The following PCCA variants were observed in gnomAD, a reference collection of about 807,000 sequenced individuals.
PCCA encodes propionyl-CoA carboxylase alpha chain, mitochondrial.
A neutral mutation model predicts 101.3 loss-of-function variants in PCCA; 74 were observed. The observed-to-expected ratio is 0.73, with a 90% CI of 0.61 to 0.89. PCCA has a LOEUF of 0.89. PCCA is among the 40% of genes least tolerant of loss of function. PCCA has a pLI of 0.00. For synonymous variants in PCCA, 294 were observed against 313.6 expected (o/e 0.94, Z 0.66); for missense variants, 891 against 907.0 (o/e 0.98, Z 0.23).
At chr13:100,260,169 GT>G (rs1446889576) in intron 9 of PCCA, among the ~76,000 whole-genome samples, 1 of 152,102 alleles carries the variant, frequency 6.6e-6, no homozygotes, top group Non-Finnish European at 1.5e-5. Flanking sequence ...TTTGCTTCCA[GT>G]TTCTTTGAAG....
At chr13:100,158,156 G>T (rs1268559872) in intron 6 of PCCA, among the ~76,000 whole-genome samples, 1 of 152,208 alleles carries the variant, frequency 6.6e-6, no homozygotes, top group Admixed American at 6.5e-5. Context: ...ACTGGATCCT[G>T]TAGGCTGTTG....
At chr13:100,188,346 AAG>A in intron 6 of PCCA, among the ~76,000 whole-genome samples, 2 of 151,706 alleles carry the variant, frequency 1.3e-5, no homozygotes, top group Non-Finnish European at 2.9e-5. Flanking sequence ...GAAAGAAAGA[AAG>A]AATAATGAAT....
At chr13:100,473,805 A>G (rs564994026) in intron 21 of PCCA, among the ~76,000 whole-genome samples, 97 of 152,168 alleles carry the variant, frequency 6.4e-4, no homozygotes, top group Non-Finnish European at 1.2e-3. Flanking sequence ...CTATCTTTTG[A>G]TTTCCTTGAG....
At chr13:100,197,326 GCCT>G (rs1474929971) in intron 6 of PCCA, among the ~76,000 whole-genome samples, 1 of 152,038 alleles carries the variant, frequency 6.6e-6, no homozygotes, top group African/African-American at 2.4e-5. Flanking sequence ...TCCTGCCCTG[GCCT>G]CCTGTGTAGC....
At chr13:100,187,917 C>T (rs1469261628) in intron 6 of PCCA, among the ~76,000 whole-genome samples, 1 of 152,112 alleles carries the variant, frequency 6.6e-6, no homozygotes, top group African/African-American at 2.4e-5. Context: ...ACCCTTTCCC[C>T]CAAGTCCCCA....
chr13:100,310,883 G>C (rs2066857060), intron 16 of PCCA, among the ~76,000 whole-genome samples: 1 of 152,134 alleles, frequency 6.6e-6, no homozygotes, highest in Non-Finnish European at 1.5e-5. Context: ...CTGTGATGTA[G>C]TAGACAGAAA....
intron 21 of PCCA, among the ~76,000 whole-genome samples, chr13:100,486,945 A>C (rs1176673361): frequency 6.6e-6 from 1 of 152,170 alleles, no homozygotes; most frequent in Non-Finnish European, 1.5e-5. Flanking sequence ...CCCCACAAAC[A>C]TGAAAGGCTT....
At chr13:100,528,946 G>A (rs1437210323) in intron 23 of PCCA, among the ~76,000 whole-genome samples, 1 of 152,174 alleles carries the variant, frequency 6.6e-6, no homozygotes, top group Non-Finnish European at 1.5e-5. Context: ...CTGTGCGGCA[G>A]GTCTGAGGTG....
intron 4 of PCCA, chr13:100,149,202 G>T (rs2052980060): frequency 1.5e-5 from 2 of 137,564 alleles, no homozygotes; most frequent in African/African-American, 2.7e-5. Context: ...GAAGATTGAT[G>T]CAGTTGGCTT....
At chr13:100,478,555 A>G (rs769856163) in intron 21 of PCCA, among the ~76,000 whole-genome samples, 3 of 152,140 alleles carry the variant, frequency 2.0e-5, no homozygotes, top group South Asian at 4.1e-4. Flanking sequence ...CTTAGTTCTC[A>G]TAGGAGGAGG....
Position 100,089,238 on chromosome 13 carries a change from G to A in PCCA, c.105+13G>A. 1 of 1,486,936 alleles carries A rather than the reference G, an allele frequency of 6.7e-7. No homozygotes were observed. The highest frequency in any genetic ancestry group is 9.0e-7 in the Non-Finnish European group (1 of 1,116,770). 92.1% of individuals were successfully genotyped at this position (1,486,936 alleles called of 1,614,324 possible). ...GCGGACCCTGAAGGTGAGGAGCAACGGGGCCTCGCGGGTCCGGGCTTCACT... is the reference window on the plus strand; with the variant it reads ...GCGGACCCTGAAGGTGAGGAGCAACAGGGCCTCGCGGGTCCGGGCTTCACT... On this transcript the variant is annotated intron_variant, in intron 1 of 23. Coordinates refer to ENST00000376285, the MANE Select transcript of PCCA (RefSeq NM_000282.4).
chr13:100,113,082 G>C (rs997114544), intron 4 of PCCA, among the ~76,000 whole-genome samples: 1 of 152,174 alleles, frequency 6.6e-6, no homozygotes, highest in Admixed American at 6.5e-5. Context: ...TATGTTCTGA[G>C]AAATGCATCG....
chr13:100,472,110 C>T (rs1385820783), intron 21 of PCCA, among the ~76,000 whole-genome samples: 2 of 152,176 alleles, frequency 1.3e-5, no homozygotes, highest in East Asian at 3.9e-4. Flanking sequence ...GCTGCGTTCC[C>T]TATTTCTGTA....
At chr13:100,324,653 T>C (rs909790062) in intron 16 of PCCA, among the ~76,000 whole-genome samples, 2 of 152,162 alleles carry the variant, frequency 1.3e-5, no homozygotes, top group African/African-American at 4.8e-5. Context: ...GAGAGAAATG[T>C]ACACAAACAG....
intron 11 of PCCA, among the ~76,000 whole-genome samples, chr13:100,269,408 C>G (rs755130141): frequency 3.3e-5 from 5 of 152,052 alleles, no homozygotes; most frequent in Non-Finnish European, 5.9e-5. Flanking sequence ...GAGATATATG[C>G]CTTCTAGACT....
At chr13:100,348,784 CTTT>C (rs1566976633) in intron 18 of PCCA, among the ~76,000 whole-genome samples, 2,706 of 51,290 alleles carry the variant, frequency 0.053, 18 homozygotes, top group Non-Finnish European at 0.067. Flanking sequence ...TTCTTTCTTT[CTTT>C]CTTCCTTCCT....
At chr13:100,470,868 A>C (rs2082956684) in intron 21 of PCCA, among the ~76,000 whole-genome samples, 1 of 152,062 alleles carries the variant, frequency 6.6e-6, no homozygotes, top group African/African-American at 2.4e-5. Flanking sequence ...CAAAAAATAA[A>C]AATAAAAAAA....
intron 18 of PCCA, among the ~76,000 whole-genome samples, chr13:100,347,270 T>C (rs1036283021): frequency 1.3e-5 from 2 of 152,224 alleles, no homozygotes; most frequent in Non-Finnish European, 2.9e-5. Flanking sequence ...TTATACACAT[T>C]GGAAAAGTAA....
intron 19 of PCCA, among the ~76,000 whole-genome samples, chr13:100,395,467 A>AT (rs769066650): frequency 5.9e-5 from 9 of 152,244 alleles, no homozygotes; most frequent in Non-Finnish European, 1.0e-4. Context: ...TGGAGCAATA[A>AT]TAGCAATAGG....
Sources: allele counts gnomAD v4.1 joint callset (sites outside exome capture counted in the v4.1 genomes callset), GRCh38; gene constraint gnomAD v4.1.1; transcripts MANE v1.5; gene names NCBI Gene and HGNC (gene_info 2026-07-23, HGNC 2026-07-21).